The following MROH2A variants were observed in gnomAD, a reference collection of about 807,000 sequenced individuals.
MROH2A encodes maestro heat-like repeat-containing protein family member 2A.
In MROH2A, 174 loss-of-function variants were observed where a neutral mutation model predicts 200.4. The observed-to-expected ratio is 0.87, with a 90% CI of 0.77 to 0.98. MROH2A has a LOEUF of 0.98. Ranked by LOEUF, MROH2A falls within the 50% of genes least tolerant of loss-of-function variation. The pLI, the probability that MROH2A is intolerant of heterozygous loss-of-function variation, is 0.00. For synonymous variants in MROH2A, 829 were observed against 840.4 expected (o/e 0.99, Z 0.23); for missense variants, 2,045 against 2,139.6 (o/e 0.96, Z 0.87).
At chr2:233,822,726 A>G (rs895747045) in intron 33 of MROH2A, among the ~76,000 whole-genome samples, 155 bp from the exon 34 acceptor site, 1 of 152,188 alleles carries the variant, frequency 6.6e-6, no homozygotes, top group Non-Finnish European at 1.5e-5. Flanking sequence ...TGTGGTTTTC[A>G]GAGCTTGCAG....
At chr2:233,781,173 T>C (rs1390551461) in intron 3 of MROH2A, among the ~76,000 whole-genome samples, 1 of 152,252 alleles carries the variant, frequency 6.6e-6, no homozygotes, top group Non-Finnish European at 1.5e-5. Flanking sequence ...TCTTGGCTAT[T>C]GTGAATAGTA....
chr2:233,816,687 C>T lies in MROH2A; in HGVS notation c.2857-94C>T. On this transcript the variant is annotated intron_variant, in intron 26 of 41. Transcript: ENST00000389758. The stretch of plus-strand genomic sequence containing the variant: ...CCACAAGGAAGCATTGAAAGTCGAT[C>T]TGAGTAGGAGGGTGAGGTGGGCAAA... The T allele has an allele frequency of 4.2e-6, 3 of 706,978 alleles. No individual in the cohort carries two copies. In the South Asian group the frequency reaches 5.4e-5, roughly 13 times the overall value. The allele number at this position is 706,978 out of a possible 1,614,324, so 43.8% of individuals were successfully genotyped here.
Position 233,805,022 on chromosome 2 carries a change from A to G in MROH2A, c.1963A>G (p.Lys655Glu). The change falls in exon 19 of 42, where the codon AAG (lysine) becomes GAG (glutamate). Residue 655 changes from lysine (K) to glutamate (E), a missense_variant. Transcript: ENST00000389758. ...TCCCCAGTTTCTGCGAAACTCCCTC[A>G]AGAAGACCCGGGGGTCTAGCTGGAG... ...KLIQFLRNSLKKTRGSSWSLR... is the reference protein window; with the variant it reads ...KLIQFLRNSLEKTRGSSWSLR... 1 of 1,549,942 alleles carries G rather than the reference A, an allele frequency of 6.5e-7. No individual in the cohort carries two copies. Among genetic ancestry groups the G allele is most frequent in the Non-Finnish European group, 8.7e-7 (1 of 1,146,632 alleles).
chr2:233,791,397 C>A (rs142868105), intron 5 of MROH2A, among the ~76,000 whole-genome samples: 1 of 152,100 alleles, frequency 6.6e-6, no homozygotes, highest in Non-Finnish European at 1.5e-5. Context: ...CCACTGGGAG[C>A]GTGTTGGCCT....
Position 233,822,973 on chromosome 2 carries a change from T to C in MROH2A, c.3959T>C (p.Leu1320Pro). ...GACGAGCAGGCAGTGTGGGACCTCC[T>C]GCAGGACGGCGGGACATTCCTGGAG... The part of the protein sequence containing the change: ...TLDEQAVWDL[L>P]QDGGTFLEGV... Residue 1320 changes from leucine (L) to proline (P), a missense_variant, in exon 34 of 42, where the codon CTG becomes CCG. Around this residue, in one of 3 missense-constraint regions of MROH2A, gnomAD observed 1,201 missense variants for 1,311.3 expected, o/e 0.92. Transcript: ENST00000389758. The C allele has an allele frequency of 6.4e-7, 1 of 1,550,544 alleles. No individual in the cohort carries two copies. Among genetic ancestry groups the C allele is most frequent in the East Asian group, 2.4e-5 (1 of 40,918 alleles).
Position 233,804,091 on chromosome 2 carries a change from T to C in MROH2A, c.1790T>C (p.Ile597Thr). The change falls in exon 17 of 42, where the codon ATA becomes ACA. Residue 597 changes from isoleucine to threonine, a missense_variant. Transcript: ENST00000389758. ...CCTTACAAGGGGGAGGGTCGTGGGA[T>C]AGCCATGCTCAACCTCTTGAGGACC... ...SSPYKGEGRG[I>T]AMLNLLRTLS... 6.4e-7 allele frequency: 1 copy of C among 1,550,478 alleles called. No homozygotes were observed. Among genetic ancestry groups the C allele is most frequent in the South Asian group, 1.2e-5 (1 of 84,052 alleles).
At chr2:233,804,461 AGTGGCAT>A in intron 17 of MROH2A, 27 bp from the exon 18 acceptor site, 1 of 1,550,138 alleles carries the variant, frequency 6.5e-7, no homozygotes, top group Non-Finnish European at 8.7e-7. Context: ...AGTGGAAGAA[AGTGGCAT>A]GTGTGACCAT....
rs1703895023 is a variant in MROH2A, at chr2:233,820,960, G to A, written c.3512+904G>A. Among the ~76,000 whole-genome samples the A allele has an allele frequency of 6.6e-6, 1 of 152,174 alleles. No individual in the cohort carries two copies. The highest frequency in any genetic ancestry group is 6.5e-5 in the Admixed American group (1 of 15,286). ...CTCAGTGGCTCATGAGGCAGTGCTG[G>A]GTGGGGGTAAGGGGGATGTGCGGTG... On this transcript the variant is annotated intron_variant, in intron 31 of 41. Coordinates refer to ENST00000389758, the MANE Select transcript of MROH2A (RefSeq NM_001394639.1). The surrounding 1 kb of genome is among the most constrained non-coding windows in gnomAD (Gnocchi z 4.1).
upstream of MROH2A, among the ~76,000 whole-genome samples, chr2:233,776,192 G>A (rs1700698607): frequency 6.6e-6 from 1 of 152,092 alleles, no homozygotes; most frequent in Non-Finnish European, 1.5e-5. Context: ...GTGTATTTAA[G>A]CTCACAGGAT....
At position 233,818,771 on chromosome 2, in the gene MROH2A, G is replaced by T. The variant is rs1296451233; in HGVS notation, c.3204+1G>T. 1 of 1,536,984 alleles carries T rather than the reference G, an allele frequency of 6.5e-7. No homozygotes were observed. Among genetic ancestry groups the T allele is most frequent in the East Asian group, 2.5e-5 (1 of 40,792 alleles). On this transcript the variant is annotated splice_donor_variant, in intron 29 of 41. Coordinates refer to ENST00000389758, the MANE Select transcript of MROH2A (RefSeq NM_001394639.1). LOFTEE classifies it high-confidence loss of function. Reference sequence around the variant, plus strand: ...CTGTGCATCCTCCAGAATCGCCAAGGTGACAGCCGGGGAGCCTGCCTGGGC... The same window carrying T: ...CTGTGCATCCTCCAGAATCGCCAAGTTGACAGCCGGGGAGCCTGCCTGGGC...
intron 5 of MROH2A, among the ~76,000 whole-genome samples, chr2:233,790,454 C>T (rs866379615): frequency 2.1e-4 from 8 of 38,792 alleles, no homozygotes; most frequent in African/African-American, 4.4e-4. Flanking sequence ...CCCTCCCCCC[C>T]TTCCTTCCTC....
At chr2:233,795,582 G>A in intron 8 of MROH2A, 71 bp from the exon 9 acceptor site, 11 of 1,549,336 alleles carry the variant, frequency 7.1e-6, no homozygotes, top group South Asian at 2.4e-5. Flanking sequence ...GGGCCCCTGA[G>A]TAGCGAGGGT....
intron 1 of MROH2A, among the ~76,000 whole-genome samples, chr2:233,778,996 G>T (rs978361507): frequency 1.3e-5 from 2 of 152,150 alleles, no homozygotes. Flanking sequence ...ATGGTTGTAG[G>T]ACTGAGGCCC....
In MROH2A at chr2:233,796,048, G is replaced by A. The variant is rs761984016; in HGVS notation, c.1138+3G>A. The stretch of plus-strand genomic sequence containing the variant: ...GGTGCACTGCTTCGTAGCCCTTGGT[G>A]AGGCTCTGCGGCAGGGTGCTCCCTG... On this transcript the variant is annotated splice_donor_region_variant and intron_variant, in intron 10 of 41. Coordinates refer to ENST00000389758, the MANE Select transcript of MROH2A (RefSeq NM_001394639.1). 13 of 1,550,180 alleles carry A rather than the reference G, an allele frequency of 8.4e-6. No individual in the cohort carries two copies. The highest frequency in any genetic ancestry group is 1.2e-5 in the South Asian group (1 of 84,032).
intron 5 of MROH2A, 96 bp from the exon 6 acceptor site, chr2:233,792,700 G>A (rs1701861436): frequency 2.7e-6 from 2 of 736,490 alleles, no homozygotes; most frequent in African/African-American, 3.5e-5. Context: ...GGACTGTTAG[G>A]GGTTGGAGGT....
chr2:233,796,334 G>C, intron 11 of MROH2A, 21 bp downstream of exon 11: 1 of 388,638 alleles, frequency 2.6e-6, no homozygotes, highest in Non-Finnish European at 5.0e-6. Flanking sequence ...CAGGGTGGGT[G>C]GGGTGGGCGG....
chr2:233,792,956 G>T, intron 6 of MROH2A, 62 bp downstream of exon 6: 1 of 1,484,718 alleles, frequency 6.7e-7, no homozygotes, highest in Non-Finnish European at 9.2e-7. Context: ...GAGACTGCTG[G>T]GTAAGGAGCA....
chr2:233,786,854 A>G (rs28900421), intron 3 of MROH2A, among the ~76,000 whole-genome samples: 2,277 of 152,328 alleles, frequency 0.015, 64 homozygotes, highest in African/African-American at 0.052. Flanking sequence ...TAGTTAAGGA[A>G]CTAGTAAGAT....
At position 233,824,481 on chromosome 2, in the gene MROH2A, G is replaced by C. The variant is rs146092413; in HGVS notation, c.4113+817G>C. Reference sequence around the variant, plus strand: ...CAAAATGAGGATGGGAAGGAGAAGTGCTCCCTCGTTGTCTCACCCAGGACC... The same window carrying C: ...CAAAATGAGGATGGGAAGGAGAAGTCCTCCCTCGTTGTCTCACCCAGGACC... On this transcript the variant is annotated intron_variant, in intron 35 of 41. Transcript: ENST00000389758. Among the ~76,000 whole-genome samples, 768 of 152,300 alleles carry C rather than the reference G, an allele frequency of 5.0e-3. 16 individuals carry two copies. The highest frequency in any genetic ancestry group is 0.011 in the Admixed American group (162 of 15,292).
Sources: gnomAD v4.1 joint callset for allele counts (sites outside exome capture counted in the v4.1 genomes callset) on GRCh38, gnomAD v4.1.1 for gene constraint, gnomAD v4.1.1 regional missense constraint, Gnocchi (gnomAD v3.1) non-coding constraint, MANE v1.5 for transcripts, NCBI Gene and HGNC (gene_info 2026-07-23, HGNC 2026-07-21) for gene names.